LYRM4: variants seen among roughly 807,000 people sequenced by gnomAD.
LYRM4 encodes the protein LYR motif containing 4, also known as LYR motif-containing protein 4.
Under a neutral mutation model 11.7 loss-of-function variants are expected in LYRM4, and 9 were observed. That is an observed-to-expected ratio of 0.77 (90% CI 0.46 to 1.34). The LOEUF (loss-of-function observed/expected upper bound fraction) is 1.34, where lower values mean the gene tolerates loss of function less well. Ranked by LOEUF, LYRM4 falls within the 40% of genes most tolerant of loss-of-function variation. LYRM4 has a pLI of 0.00. For missense variants in LYRM4, 133 were observed against 112.5 expected (o/e 1.18, Z -0.82); for synonymous variants, 42 against 40.4 (o/e 1.04, Z -0.15).
At chr6:5,225,799 G>C (rs930931070) in intron 1 of LYRM4, among the ~76,000 whole-genome samples, 1 of 152,180 alleles carries the variant, frequency 6.6e-6, no homozygotes, top group Non-Finnish European at 1.5e-5. Context: ...TTATAAGGCT[G>C]TTTTCCTCAT....
chr6:5,047,785 G>A, the LYRM4 span, among the ~76,000 whole-genome samples: 3 of 152,074 alleles, frequency 2.0e-5, no homozygotes, highest in Non-Finnish European at 4.4e-5. Context: ...ACACCAATAC[G>A]GTATTAGTGT....
At chr6:5,075,096 T>C in the LYRM4 span, among the ~76,000 whole-genome samples, 8 of 152,156 alleles carry the variant, frequency 5.3e-5, no homozygotes, top group Non-Finnish European at 1.2e-4. Context: ...CCTTCCGCCA[T>C]GATTGTAGGC....
rs70974180 is a variant in LYRM4 at position 5,229,003 on chromosome 6, CA to C, written c.87-12266del. On this transcript the variant is annotated intron_variant, in intron 1 of 2. Transcript: ENST00000330636. ...TGGGCGACGGAGCGAGGCTCAGTCT[CA>C]AAAAAAAAAAAAAAAAAAAAAAGAA... is the stretch of plus-strand genomic sequence containing the variant. 8.0e-3 allele frequency among the ~76,000 whole-genome samples: 304 copies of C among 37,988 alleles called. 3 individuals are homozygous for C. The highest frequency in any genetic ancestry group is 0.042 in the East Asian group (63 of 1,514). The allele number at this position is 37,988 out of a possible 152,430, so 24.9% of individuals were successfully genotyped here.
chr6:5,227,048 G>T (rs1454524841), intron 1 of LYRM4, among the ~76,000 whole-genome samples: 1 of 152,158 alleles, frequency 6.6e-6, no homozygotes, highest in Non-Finnish European at 1.5e-5. Context: ...GGATTAAGAA[G>T]TATTTAGTTG....
intron 2 of LYRM4, among the ~76,000 whole-genome samples, chr6:5,204,618 T>C (rs541411077): frequency 1.3e-5 from 2 of 152,206 alleles, no homozygotes; most frequent in East Asian, 3.9e-4. Context: ...GCCTCACTGC[T>C]TACCCTCTCT....
intron 2 of LYRM4, among the ~76,000 whole-genome samples, chr6:5,131,555 T>G (rs912560673): frequency 6.6e-6 from 1 of 152,030 alleles, no homozygotes. Flanking sequence ...AAAAGAAAAT[T>G]GTGCCTGCAA....
downstream of LYRM4, among the ~76,000 whole-genome samples, chr6:5,099,510 C>T (rs927200936): frequency 6.6e-6 from 1 of 152,158 alleles, no homozygotes; most frequent in African/African-American, 2.4e-5. This position sits in a 1 kb window ranked among gnomAD's most constrained non-coding sequence, Gnocchi z 4.3. Flanking sequence ...GCCTTGGCCT[C>T]CCAAAGTGCT....
intron 2 of LYRM4, among the ~76,000 whole-genome samples, chr6:5,160,133 C>T (rs565538447): frequency 8.1e-4 from 123 of 152,290 alleles, no homozygotes; most frequent in African/African-American, 2.7e-3. Context: ...GTAAATGGCC[C>T]TTTTCTTCAG....
At chr6:5,114,652 A>G (rs922783076) in intron 2 of LYRM4, among the ~76,000 whole-genome samples, 2 of 152,112 alleles carry the variant, frequency 1.3e-5, no homozygotes, top group Admixed American at 6.6e-5. Context: ...GGGGTGTCCA[A>G]TCTTTTTGCT....
intron 1 of LYRM4, among the ~76,000 whole-genome samples, chr6:5,258,683 G>GT (rs1294632359): frequency 3.9e-5 from 6 of 152,142 alleles, no homozygotes; most frequent in Non-Finnish European, 5.9e-5. Flanking sequence ...ATGATCTCAG[G>GT]TAACAGTATA....
chr6:5,138,176 G>T (rs1252734301), intron 2 of LYRM4, among the ~76,000 whole-genome samples: 3 of 152,086 alleles, frequency 2.0e-5, no homozygotes, highest in Non-Finnish European at 4.4e-5. Context: ...TTTCTGCCAA[G>T]ATTTTATATA....
At chr6:5,041,378 TG>T in the LYRM4 span, among the ~76,000 whole-genome samples, 1 of 152,218 alleles carries the variant, frequency 6.6e-6, no homozygotes, top group Non-Finnish European at 1.5e-5. Context: ...TTTGGTTTTT[TG>T]TAAAGGTTAC....
At chr6:5,134,411 AC>A (rs1764094120) in intron 2 of LYRM4, among the ~76,000 whole-genome samples, 1 of 152,236 alleles carries the variant, frequency 6.6e-6, no homozygotes, top group African/African-American at 2.4e-5. Context: ...TCTTTTAAAG[AC>A]AGATTACAGA....
intron 2 of LYRM4, among the ~76,000 whole-genome samples, chr6:5,159,077 A>G (rs1758592600): frequency 1.3e-5 from 2 of 152,198 alleles, no homozygotes. Flanking sequence ...ATTTCGGGGA[A>G]AGGCATGACC....
the LYRM4 span, chr6:5,088,656 A>G: frequency 6.6e-6 from 1 of 152,242 alleles, no homozygotes; most frequent in Non-Finnish European, 1.5e-5. Flanking sequence ...GCTCTAGGGA[A>G]GTAGTGTTTT....
In LYRM4 at chr6:5,260,626, C is replaced by A. The variant is rs756084344; in HGVS notation, c.86+22G>T. ...CCGGCCCCTGGCCCCCCGCCCCCGG[C>A]CCCCGGTGCCCGCTGGGTCACCTGT... is the stretch of plus-strand genomic sequence containing the variant. On this transcript the variant is annotated intron_variant, in intron 1 of 2. Transcript: ENST00000330636. The A allele has an allele frequency of 2.7e-4, 413 of 1,518,842 alleles. 2 individuals are homozygous for A. In the Middle Eastern group the frequency reaches 3.7e-3, roughly 14 times the overall value. The allele number at this position is 1,518,842 out of a possible 1,614,324, so 94.1% of individuals were successfully genotyped here.
At chr6:5,091,056 A>AGGTTT in the LYRM4 span, among the ~76,000 whole-genome samples, 1 of 152,184 alleles carries the variant, frequency 6.6e-6, no homozygotes. Flanking sequence ...AATAGGACCC[A>AGGTTT]GGTTTGTAGA....
the LYRM4 span, chr6:5,043,560 G>A: frequency 2.6e-5 from 4 of 152,108 alleles, no homozygotes; most frequent in East Asian, 1.9e-4. Context: ...TGTTTCTGGC[G>A]TCTATAAAGT....
chr6:5,124,599 C>T (rs572202529), intron 2 of LYRM4, among the ~76,000 whole-genome samples: 20 of 152,238 alleles, frequency 1.3e-4, no homozygotes, highest in South Asian at 2.1e-4. Context: ...AGATGGGATT[C>T]GACTTCAATC....
Sources: allele counts gnomAD v4.1 joint callset (sites outside exome capture counted in the v4.1 genomes callset), GRCh38; gene constraint gnomAD v4.1.1; non-coding constraint Gnocchi (gnomAD v3.1); transcripts MANE v1.5; gene names NCBI Gene and HGNC (gene_info 2026-07-23, HGNC 2026-07-21).